PREP: variants seen among roughly 807,000 people sequenced by gnomAD.
PREP encodes the protein dJ355L5.1 (prolyl endopeptidase).
Under a neutral mutation model 87.6 loss-of-function variants are expected in PREP, and 29 were observed. The observed-to-expected ratio is 0.33, with a 90% CI of 0.25 to 0.45. The LOEUF is 0.45. Ranked by LOEUF, PREP falls within the 20% of genes least tolerant of loss-of-function variation. PREP has a pLI of 1.00. For missense variants in PREP, 695 were observed against 886.5 expected (o/e 0.78, Z 2.74); for synonymous variants, 337 against 328.6 (o/e 1.03, Z -0.28).
At position 105,274,177 on chromosome 6, in the gene PREP, G is replaced by A. The variant is rs1252708139; in HGVS notation, c.*3967C>T. Among the ~76,000 whole-genome samples the A allele has an allele frequency of 6.6e-6, 1 of 152,088 alleles. No individual in the cohort carries two copies. Among genetic ancestry groups the A allele is most frequent in the African/African-American group, 2.4e-5 (1 of 41,398 alleles). On this transcript the variant is annotated 3_prime_UTR_variant, in exon 15 of 15. Transcript: ENST00000652536. ...CAACAACAGAAATTGCTCTCTCACA[G>A]TCCTAGAGTCTGGGACATCTAAGAT...
rs557874435 is a variant in PREP, at chr6:105,385,187, G to A, written c.121-7668C>T. Among the ~76,000 whole-genome samples, 5 of 145,762 alleles carry A rather than the reference G, an allele frequency of 3.4e-5. No homozygotes were observed. In the South Asian group the frequency reaches 1.1e-3, roughly 32 times the overall value. On this transcript the variant is annotated intron_variant, in intron 2 of 14. Coordinates refer to ENST00000652536, the MANE Select transcript of PREP (RefSeq NM_002726.5). ...TTTTATGAGAAAGAATAAACTTTAA[G>A]CATTAAAATAAAAAATTTTAAAATA...
intron 2 of PREP, among the ~76,000 whole-genome samples, chr6:105,389,704 T>C (rs1029160099): frequency 5.3e-5 from 8 of 152,160 alleles, no homozygotes; most frequent in Admixed American, 4.6e-4. Context: ...GGAAAGGCAA[T>C]CAGACAGATC....
rs199538036 is a variant in PREP, at chr6:105,333,509, G to A, written c.824-4C>T. ...AGTTTTACCCACTTCAGGATTCCTGGCAAGAGACCAAGCATTCTCATCATC... is the reference window on the plus strand; with the variant it reads ...AGTTTTACCCACTTCAGGATTCCTGACAAGAGACCAAGCATTCTCATCATC... On this transcript the variant is annotated splice_polypyrimidine_tract_variant and splice_region_variant and intron_variant, in intron 7 of 14. Transcript: ENST00000652536. The A allele has an allele frequency of 1.5e-4, 239 of 1,613,736 alleles. No homozygotes were observed. The highest frequency in any genetic ancestry group is 1.9e-4 in the Non-Finnish European group (220 of 1,179,638).
At chr6:105,370,929 T>C in intron 5 of PREP, among the ~76,000 whole-genome samples, 1 of 152,188 alleles carries the variant, frequency 6.6e-6, no homozygotes, top group South Asian at 2.1e-4. Flanking sequence ...CTCTGTATGA[T>C]ACTACAACAC....
chr6:105,319,041 A>C (rs1289958059), intron 10 of PREP, among the ~76,000 whole-genome samples: 1 of 151,986 alleles, frequency 6.6e-6, no homozygotes, highest in Admixed American at 6.5e-5. Context: ...AATTAAAGGG[A>C]AAAAAAATCC....
chr6:105,345,181 C>T (rs548843516), intron 7 of PREP, among the ~76,000 whole-genome samples: 1 of 152,156 alleles, frequency 6.6e-6, no homozygotes, highest in East Asian at 1.9e-4. Flanking sequence ...TTGCTACTCA[C>T]AAGTTAGAAC....
intron 1 of PREP, among the ~76,000 whole-genome samples, chr6:105,399,795 C>A (rs543323246): frequency 3.3e-5 from 5 of 152,180 alleles, no homozygotes; most frequent in Admixed American, 6.5e-5. Context: ...CTAGGAGCAA[C>A]AGCAGGGATA....
At chr6:105,356,769 C>A (rs1456021640) in intron 6 of PREP, among the ~76,000 whole-genome samples, 2 of 152,214 alleles carry the variant, frequency 1.3e-5, no homozygotes, top group African/African-American at 4.8e-5. Context: ...AGTTTCCTAG[C>A]TGTGTACAGC....
rs1172308663 is a variant in PREP, at chr6:105,275,192, C to T, written c.*2952G>A. 2.0e-5 allele frequency among the ~76,000 whole-genome samples: 3 copies of T among 152,210 alleles called. No homozygotes were observed. Among genetic ancestry groups the T allele is most frequent in the Non-Finnish European group, 4.4e-5 (3 of 68,024 alleles). On this transcript the variant is annotated 3_prime_UTR_variant, in exon 15 of 15. Transcript: ENST00000652536. ...TTAACCTGCCTTTGAGTCTTTGCAA[C>T]TCCTTCTGGGCATTAGCTATGTGGC...
intron 10 of PREP, among the ~76,000 whole-genome samples, chr6:105,292,663 G>A (rs1392990748): frequency 6.6e-6 from 1 of 151,382 alleles, no homozygotes; most frequent in Non-Finnish European, 1.5e-5. Flanking sequence ...TTTGAAGCCA[G>A]GCACTGACTT....
In PREP at chr6:105,357,619, T is replaced by C. The variant is rs150656471; in HGVS notation, c.718-4542A>G. On this transcript the variant is annotated intron_variant, in intron 6 of 14. Coordinates refer to ENST00000652536, the MANE Select transcript of PREP (RefSeq NM_002726.5). ...AGCCTCAAAATCATTTGTAAGTCAC[T>C]GTTGCCCCAAAATGTACAGACTAAA... 7.3e-3 allele frequency among the ~76,000 whole-genome samples: 1,112 copies of C among 152,318 alleles called. 7 individuals are homozygous for C. The highest frequency in any genetic ancestry group is 0.011 in the Non-Finnish European group (743 of 68,020).
At position 105,344,071 on chromosome 6, in the gene PREP, C is replaced by T. The variant is rs182656352; in HGVS notation, c.823+8901G>A. 9.1e-3 allele frequency among the ~76,000 whole-genome samples: 1,392 copies of T among 152,288 alleles called. 12 individuals are homozygous for T. Among genetic ancestry groups the T allele is most frequent in the Middle Eastern group, 0.017 (5 of 294 alleles). On this transcript the variant is annotated intron_variant, in intron 7 of 14. Transcript: ENST00000652536. The stretch of plus-strand genomic sequence containing the variant: ...GTGCTGCTATAAAGACACATGCACA[C>T]GTATGTTTATTGCGGCACTATTCAC...
intron 7 of PREP, among the ~76,000 whole-genome samples, chr6:105,352,747 C>T (rs577279434): frequency 6.6e-6 from 1 of 152,280 alleles, no homozygotes; most frequent in African/African-American, 2.4e-5. Flanking sequence ...ACACTATGTG[C>T]AGAAAGTATG....
intron 7 of PREP, among the ~76,000 whole-genome samples, chr6:105,344,098 A>G (rs1771736182): frequency 6.6e-6 from 1 of 152,240 alleles, no homozygotes; most frequent in Non-Finnish European, 1.5e-5. Context: ...ACTATTCACA[A>G]TAGCAAAGAA....
chr6:105,402,772 G>A, intron 1 of PREP, 75 bp downstream of exon 1: 1 of 1,376,206 alleles, frequency 7.3e-7, no homozygotes, highest in Non-Finnish European at 9.9e-7. Context: ...AGGAAGAGGA[G>A]CTGCGGGTGC....
At position 105,278,263 on chromosome 6, in the gene PREP, T is replaced by G. The variant is rs1769991284; in HGVS notation, c.2014A>C (p.Ile672Leu). 1 of 1,614,244 alleles carries G rather than the reference T, an allele frequency of 6.2e-7. No individual in the cohort carries two copies. The highest frequency in any genetic ancestry group is 8.5e-7 in the Non-Finnish European group (1 of 1,180,046). The stretch of plus-strand genomic sequence containing the variant: ...TGGCCCGCCTTGGTGTCCACGTGGA[T>G]AAGCAGGGGGTTGCTTTGCTTCCTG... ...RSRKQSNPLL[I>L]HVDTKAGHGA... The change falls in exon 15 of 15, where the codon ATC (isoleucine) becomes CTC (leucine). Residue 672 changes from isoleucine to leucine, a missense_variant. By Grantham distance (5) the Ile-to-Leu change is conservative (BLOSUM62 2). Around this residue, in one of 5 missense-constraint regions of PREP, gnomAD observed 121 missense variants for 154.8 expected, o/e 0.78. Transcript: ENST00000652536. This position sits in a 1 kb window ranked among gnomAD's most constrained non-coding sequence, Gnocchi z 4.2.
At chr6:105,372,209 A>G (rs565970628) in intron 5 of PREP, among the ~76,000 whole-genome samples, 82 of 145,076 alleles carry the variant, frequency 5.7e-4, no homozygotes, top group South Asian at 4.5e-3. Flanking sequence ...ATTGTGGGGG[A>G]AAAAAAAAAA....
intron 2 of PREP, among the ~76,000 whole-genome samples, chr6:105,394,646 A>T (rs1053515078): frequency 6.6e-6 from 1 of 152,228 alleles, no homozygotes; most frequent in Non-Finnish European, 1.5e-5. Flanking sequence ...AATCGGTAGC[A>T]GTAGCTAGTT....
rs372988135 is a variant in PREP at position 105,310,356 on chromosome 6, T to C, written c.1317+13309A>G. ...AATCACACCCATCCATAAAGAAACC[T>C]GTGATAAGAGCGTCTATCTCCTCCT... On this transcript the variant is annotated intron_variant, in intron 10 of 14. Coordinates refer to ENST00000652536, the MANE Select transcript of PREP (RefSeq NM_002726.5). 7.9e-5 allele frequency among the ~76,000 whole-genome samples: 12 copies of C among 152,202 alleles called. No individual in the cohort carries two copies. The East Asian group carries it at 1.9e-3, about 24-fold the overall frequency.
Sources: gnomAD v4.1 joint callset for allele counts (sites outside exome capture counted in the v4.1 genomes callset) on GRCh38, gnomAD v4.1.1 for gene constraint, gnomAD v4.1.1 regional missense constraint, Gnocchi (gnomAD v3.1) non-coding constraint, MANE v1.5 for transcripts, NCBI Gene and HGNC (gene_info 2026-07-23, HGNC 2026-07-21) for gene names.